The following KIAA1217 variants were observed in gnomAD, a reference collection of about 807,000 sequenced individuals.
KIAA1217 encodes KIAA1217, also known as sickle tail protein homolog.
Under a neutral mutation model 163.9 loss-of-function variants are expected in KIAA1217, and 88 were observed. The ratio of observed to expected loss-of-function variants is 0.54; its 90% CI spans 0.45 to 0.64. The LOEUF (loss-of-function observed/expected upper bound fraction) is 0.64, where lower values mean the gene tolerates loss of function less well. Ranked by LOEUF, KIAA1217 falls within the 30% of genes least tolerant of loss-of-function variation. The probability of loss-of-function intolerance (pLI) is 0.00; values close to 1 mark genes in which losing one functional copy is unlikely to be tolerated. For synonymous variants in KIAA1217, 903 were observed against 923.1 expected, an observed-to-expected ratio of 0.98 and a Z score of 0.39; for missense variants, 2,372 against 2,475.0, an observed-to-expected ratio of 0.96 and a Z score of 0.88.
chr10:24,014,476 A>C (rs896349787), intron 2 of KIAA1217, among the ~76,000 whole-genome samples: 1 of 152,168 alleles, frequency 6.6e-6, no homozygotes, highest in African/African-American at 2.4e-5. Context: ...TGTTGGAAAC[A>C]AAAGACTGAA....
At chr10:24,231,150 A>C (rs528898414) in intron 2 of KIAA1217, among the ~76,000 whole-genome samples, 1 of 152,240 alleles carries the variant, frequency 6.6e-6, no homozygotes, top group East Asian at 1.9e-4. Flanking sequence ...TGAAGAAGAA[A>C]AGGAGTTTGG....
chr10:24,275,712 G>A (rs2077211006), intron 2 of KIAA1217: 1 of 526,766 alleles, frequency 1.9e-6, no homozygotes, highest in Non-Finnish European at 3.9e-6. Flanking sequence ...TGGTGCAAAA[G>A]TAATTGCAGT....
chr10:24,075,455 AGTG>A (rs1329447184), intron 2 of KIAA1217, among the ~76,000 whole-genome samples: 3 of 152,182 alleles, frequency 2.0e-5, no homozygotes, highest in Non-Finnish European at 2.9e-5. Context: ...TTGCTGTAGC[AGTG>A]ATTCATTTCA....
intron 2 of KIAA1217, among the ~76,000 whole-genome samples, chr10:24,150,703 A>G (rs572546148): frequency 6.6e-6 from 1 of 152,312 alleles, no homozygotes; most frequent in East Asian, 1.9e-4. Flanking sequence ...AGCATCAGGC[A>G]TGGCTGCATC....
intron 2 of KIAA1217, among the ~76,000 whole-genome samples, chr10:24,025,744 C>T (rs1466419192): frequency 2.0e-5 from 3 of 151,732 alleles, no homozygotes; most frequent in Admixed American, 2.0e-4. Context: ...TTAAACTTAT[C>T]TCTAAGTATT....
At chr10:24,399,505 C>G (rs1377828807) in intron 3 of KIAA1217, among the ~76,000 whole-genome samples, 1 of 152,136 alleles carries the variant, frequency 6.6e-6, no homozygotes, top group Non-Finnish European at 1.5e-5. Context: ...TTCTGATAGT[C>G]TTTATTCTCA....
At chr10:23,901,273 C>T (rs948048447) in intron 1 of KIAA1217, among the ~76,000 whole-genome samples, 3 of 152,062 alleles carry the variant, frequency 2.0e-5, no homozygotes, top group Non-Finnish European at 4.4e-5. Flanking sequence ...AGGATTTGAC[C>T]AAGGAAGTTC....
chr10:23,802,019 T>C (rs1405981969), intron 1 of KIAA1217, among the ~76,000 whole-genome samples: 2 of 152,188 alleles, frequency 1.3e-5, no homozygotes, highest in African/African-American at 4.8e-5. Context: ...AAAGACTGAA[T>C]GATCCAATGT....
At chr10:24,153,032 A>C (rs2064694693) in intron 2 of KIAA1217, among the ~76,000 whole-genome samples, 1 of 152,218 alleles carries the variant, frequency 6.6e-6, no homozygotes, top group South Asian at 2.1e-4. Context: ...TGCTGGGTGC[A>C]AATCCTCTGT....
chr10:24,042,791 T>C (rs1848707408), intron 2 of KIAA1217, among the ~76,000 whole-genome samples: 1 of 152,230 alleles, frequency 6.6e-6, no homozygotes, highest in Admixed American at 6.5e-5. Flanking sequence ...TTTGTAGCCT[T>C]TCATAATCCA....
chr10:24,516,637 A>T (rs1592587802), intron 10 of KIAA1217, among the ~76,000 whole-genome samples: 1 of 152,332 alleles, frequency 6.6e-6, no homozygotes, highest in East Asian at 1.9e-4. Context: ...GCAAAGCTAG[A>T]GCTGTATTGG....
At position 23,980,518 on chromosome 10, in the gene KIAA1217, G is replaced by A. The variant is rs1320883365; in HGVS notation, c.-320-26707G>A. Among the ~76,000 whole-genome samples, 3 of 152,104 alleles carry A rather than the reference G, an allele frequency of 2.0e-5. No homozygotes were observed. The East Asian group carries it at 5.8e-4, about 29-fold the overall frequency. On this transcript the variant is annotated intron_variant, in intron 1 of 18. Transcript: ENST00000376462. ...ACGGTGTCTGGTGCCTTGAGACCTTGGATCACCAGGAGAGTGTCCCTCGGG... is the reference window on the plus strand; with the variant it reads ...ACGGTGTCTGGTGCCTTGAGACCTTAGATCACCAGGAGAGTGTCCCTCGGG...
In KIAA1217 at chr10:24,433,025, C is replaced by A; in HGVS notation, c.584C>A (p.Thr195Asn). ...CTCTATCTCCAGTATGGAGATGAAA[C>A]CAAGCAGCTCAGGATGCCGAATGAA... ...GVLYLQYGDE[T>N]KQLRMPNEIT... The change falls in exon 4 of 21, where the codon ACC becomes AAC. Residue 195 changes from threonine to asparagine, a missense_variant. By Grantham distance (65) the Thr-to-Asn change is moderately conservative (BLOSUM62 0). Coordinates refer to ENST00000376454, the MANE Select transcript of KIAA1217 (RefSeq NM_019590.5). The A allele has an allele frequency of 6.2e-7, 1 of 1,614,100 alleles. No individual in the cohort carries two copies. Among genetic ancestry groups the A allele is most frequent in the Non-Finnish European group, 8.5e-7 (1 of 1,180,022 alleles).
intron 2 of KIAA1217, among the ~76,000 whole-genome samples, chr10:24,053,731 C>T (rs2131586476): frequency 6.6e-6 from 1 of 152,054 alleles, no homozygotes; most frequent in South Asian, 2.1e-4. Context: ...TTGTTCTTGC[C>T]CTGAGGAGTA....
intron 2 of KIAA1217, among the ~76,000 whole-genome samples, chr10:24,257,377 C>G (rs2075276423): frequency 6.6e-6 from 1 of 152,152 alleles, no homozygotes; most frequent in African/African-American, 2.4e-5. Context: ...CTCCAAATTC[C>G]CCTGAGGCCC....
At chr10:24,416,346 G>A (rs1175578204) in intron 3 of KIAA1217, among the ~76,000 whole-genome samples, 11 of 152,098 alleles carry the variant, frequency 7.2e-5, no homozygotes, top group Admixed American at 7.2e-4. Flanking sequence ...CACCTCCATA[G>A]CACTACTTAA....
intron 1 of KIAA1217, among the ~76,000 whole-genome samples, chr10:24,212,463 T>C (rs1321107273): frequency 1.3e-5 from 2 of 152,152 alleles, no homozygotes; most frequent in African/African-American, 4.8e-5. Flanking sequence ...ATTGAATCTG[T>C]GTGCAGAAGA....
At position 24,454,644 on chromosome 10, in the gene KIAA1217, C is replaced by T. The variant is rs138890094; in HGVS notation, c.846+16165C>T. 1.1e-3 allele frequency among the ~76,000 whole-genome samples: 175 copies of T among 152,230 alleles called. 1 individual carries two copies. The highest frequency in any genetic ancestry group is 3.9e-3 in the African/African-American group (163 of 41,538). On this transcript the variant is annotated intron_variant, in intron 5 of 20. Coordinates refer to ENST00000376454, the MANE Select transcript of KIAA1217 (RefSeq NM_019590.5). ...AGGACTGGTGGTCAGGGTCTGATAG[C>T]TTCGTCTAGAATGAGCATCTAGTGC...
chr10:23,813,904 A>C (rs1837192676), intron 1 of KIAA1217, among the ~76,000 whole-genome samples: 1 of 152,180 alleles, frequency 6.6e-6, no homozygotes, highest in Admixed American at 6.5e-5. Context: ...TAACTGTGTG[A>C]ACATTTCTCC....
Sources: gnomAD v4.1 joint callset for allele counts (sites outside exome capture counted in the v4.1 genomes callset) on GRCh38, gnomAD v4.1.1 for gene constraint, MANE v1.5 for transcripts, NCBI Gene and HGNC (gene_info 2026-07-23, HGNC 2026-07-21) for gene names.